The following MCC variants were observed in gnomAD, a reference collection of about 807,000 sequenced individuals.
MCC encodes the protein MCC regulator of Wnt signaling pathway.
Under a neutral mutation model 116.2 loss-of-function variants are expected in MCC, and 90 were observed. The observed-to-expected ratio is 0.77, with a 90% CI of 0.65 to 0.92. The LOEUF is 0.92. Among genes scored for constraint, MCC ranks in the 40% least tolerant of loss-of-function variants. MCC has a pLI of 0.00. For missense variants in MCC, 1,516 were observed against 1,312.2 expected (o/e 1.16, Z -2.40); for synonymous variants, 578 against 510.5 (o/e 1.13, Z -1.78).
chr5:113,028,457 A>G (rs930974161), intron 18 of MCC, among the ~76,000 whole-genome samples: 2 of 152,214 alleles, frequency 1.3e-5, no homozygotes, highest in African/African-American at 4.8e-5. Flanking sequence ...AGAAGTATCA[A>G]TAAATACAAC....
chr5:113,064,815 G>T (rs2150230213), intron 13 of MCC, among the ~76,000 whole-genome samples: 1 of 152,304 alleles, frequency 6.6e-6, no homozygotes, highest in Admixed American at 6.5e-5. Context: ...GCACAGACCA[G>T]GCAGTGAAGT....
intron 7 of MCC, 130 bp downstream of exon 7, chr5:113,104,062 T>A: frequency 1.1e-6 from 1 of 927,168 alleles, no homozygotes; most frequent in South Asian, 2.5e-5. Context: ...CGTGGCTCAA[T>A]CTATTGTATG....
At chr5:113,211,367 G>A (rs1186142187) in intron 3 of MCC, among the ~76,000 whole-genome samples, 2 of 152,174 alleles carry the variant, frequency 1.3e-5, no homozygotes, top group South Asian at 2.1e-4. Flanking sequence ...CCCAGCTTAT[G>A]GCATGTTGTT....
At chr5:113,160,259 C>T (rs1760409673) in intron 3 of MCC, among the ~76,000 whole-genome samples, 1 of 152,110 alleles carries the variant, frequency 6.6e-6, no homozygotes. Context: ...GAAATGGCTC[C>T]CAAGGGGGAG....
intron 1 of MCC, chr5:113,433,085 A>T (rs1476434215): frequency 6.5e-6 from 1 of 153,242 alleles, no homozygotes; most frequent in African/African-American, 2.4e-5. Context: ...ATGGGGCACA[A>T]GATTTCTAGC....
chr5:113,292,044 A>G (rs1766516895), intron 3 of MCC, among the ~76,000 whole-genome samples: 1 of 152,166 alleles, frequency 6.6e-6, no homozygotes, highest in South Asian at 2.1e-4. Flanking sequence ...AGCCTGGCCA[A>G]CATAGCGAAA....
intron 3 of MCC, among the ~76,000 whole-genome samples, chr5:113,228,706 A>G (rs955038397): frequency 6.6e-6 from 1 of 152,146 alleles, no homozygotes; most frequent in African/African-American, 2.4e-5. Flanking sequence ...TTATATTTTA[A>G]AAGAATCACT....
At chr5:113,196,513 A>G (rs1055328354) in intron 3 of MCC, among the ~76,000 whole-genome samples, 1 of 152,234 alleles carries the variant, frequency 6.6e-6, no homozygotes, top group Non-Finnish European at 1.5e-5. Flanking sequence ...GGGATTTTTA[A>G]GTGAAATATT....
rs1274573396 is a variant in MCC at position 113,143,413 on chromosome 5, T to G, written c.742-53A>C. The G allele has an allele frequency of 3.1e-6, 5 of 1,598,588 alleles. No individual in the cohort carries two copies. In the African/African-American group the frequency reaches 5.4e-5, roughly 17 times the overall value. On this transcript the variant is annotated intron_variant, in intron 4 of 18. Transcript: ENST00000408903. ...GCTGATGAATTCATGCACCTACAGG[T>G]GGATGATTCCAAGCTTTGTGGCCTT... is the stretch of plus-strand genomic sequence containing the variant.
At chr5:113,360,640 T>G (rs1289632362) in intron 2 of MCC, among the ~76,000 whole-genome samples, 1 of 152,236 alleles carries the variant, frequency 6.6e-6, no homozygotes, top group Admixed American at 6.5e-5. Context: ...TTATACTCCT[T>G]AATGAATCAG....
At chr5:113,218,124 G>A (rs1763395777) in intron 3 of MCC, among the ~76,000 whole-genome samples, 1 of 131,050 alleles carries the variant, frequency 7.6e-6, no homozygotes, top group South Asian at 2.7e-4. Flanking sequence ...AAACTGGGGG[G>A]AGTATGGAGA....
intron 1 of MCC, among the ~76,000 whole-genome samples, chr5:113,473,273 G>C (rs451453): frequency 0.69 from 104,814 of 151,920 alleles, 36,578 homozygotes; most frequent in East Asian, 0.88. Context: ...CCTGTAATCC[G>C]AGCACTTTGG....
At chr5:113,060,192 G>T (rs1753122861) in intron 14 of MCC, among the ~76,000 whole-genome samples, 1 of 152,128 alleles carries the variant, frequency 6.6e-6, no homozygotes, top group African/African-American at 2.4e-5. Flanking sequence ...GTCTCACTCT[G>T]TTGCCCACAC....
At chr5:113,375,365 T>G (rs972425365) in intron 2 of MCC, among the ~76,000 whole-genome samples, 21 of 152,224 alleles carry the variant, frequency 1.4e-4, no homozygotes, top group African/African-American at 4.3e-4. Context: ...TAGTTCTATT[T>G]ATATGTTTTG....
At chr5:113,478,268 C>T (rs997302360) in intron 1 of MCC, among the ~76,000 whole-genome samples, 7 of 152,008 alleles carry the variant, frequency 4.6e-5, no homozygotes, top group African/African-American at 1.7e-4. Context: ...TATGCCTGGG[C>T]CTTAGGTGGA....
rs757412300 is a variant in MCC, at chr5:113,064,130, G to C, written c.2067C>G (p.Leu689=). 4 of 1,613,534 alleles carry C rather than the reference G, an allele frequency of 2.5e-6. No homozygotes were observed. Among genetic ancestry groups the C allele is most frequent in the Non-Finnish European group, 2.5e-6 (3 of 1,179,748 alleles). Residue 689 remains leucine (L), a synonymous_variant, in exon 14 of 19, where the codon CTC becomes CTG. Coordinates refer to ENST00000408903, the MANE Select transcript of MCC (RefSeq NM_001085377.2). ...TCTTCCGGCAGTCATGAGCTCGCTTGAGCATCTGAGTGATGTTTTCATCCC... is the reference window on the plus strand; with the variant it reads ...TCTTCCGGCAGTCATGAGCTCGCTTCAGCATCTGAGTGATGTTTTCATCCC... ...QSGDENITQM[L]KRAHDCRKTA...
intron 3 of MCC, among the ~76,000 whole-genome samples, chr5:113,253,767 G>C (rs541388383): frequency 6.6e-6 from 1 of 152,146 alleles, no homozygotes; most frequent in South Asian, 2.1e-4. Flanking sequence ...AGAATTTTAG[G>C]GGGAAAAACA....
At chr5:113,451,204 C>T (rs1158925742) in intron 1 of MCC, among the ~76,000 whole-genome samples, 1 of 152,230 alleles carries the variant, frequency 6.6e-6, no homozygotes, top group African/African-American at 2.4e-5. Context: ...CTTCTTCACA[C>T]TCCTGAGATG....
chr5:113,329,383 T>TACAC (rs3068955), intron 3 of MCC, among the ~76,000 whole-genome samples: 5 of 150,142 alleles, frequency 3.3e-5, no homozygotes, highest in East Asian at 2.0e-4. Flanking sequence ...ACTATATATA[T>TACAC]ACACACACAC....
Sources: gnomAD v4.1 joint callset for allele counts (sites outside exome capture counted in the v4.1 genomes callset) on GRCh38, gnomAD v4.1.1 for gene constraint, MANE v1.5 for transcripts, NCBI Gene and HGNC (gene_info 2026-07-23, HGNC 2026-07-21) for gene names.